FAM168B: variants seen among roughly 807,000 people sequenced by gnomAD.
FAM168B encodes myelin-associated neurite-outgrowth inhibitor.
Under a neutral mutation model 21.8 loss-of-function variants are expected in FAM168B, and 19 were observed. The observed-to-expected ratio is 0.87, with a 90% CI of 0.61 to 1.28. The LOEUF (loss-of-function observed/expected upper bound fraction) is 1.28. Ranked by LOEUF, FAM168B falls within the 50% of genes most tolerant of loss-of-function variation. The pLI, the probability that FAM168B is intolerant of heterozygous loss-of-function variation, is 0.00. For missense variants in FAM168B, 233 were observed against 263.1 expected (o/e 0.89, Z 0.79); for synonymous variants, 126 against 104.8 (o/e 1.20, Z -1.24).
At chr2:131,063,403 C>G (rs1242321008) in intron 3 of FAM168B, among the ~76,000 whole-genome samples, 4 of 152,190 alleles carry the variant, frequency 2.6e-5, no homozygotes, top group Non-Finnish European at 5.9e-5. Flanking sequence ...TTGGTTTAGG[C>G]ATGAATATTA....
intron 2 of FAM168B, among the ~76,000 whole-genome samples, chr2:131,074,024 G>A (rs1468930855): frequency 2.6e-5 from 4 of 152,208 alleles, no homozygotes; most frequent in Non-Finnish European, 5.9e-5. Flanking sequence ...AACAGAGGGG[G>A]CCTCAGGCAT....
At chr2:131,080,340 TTAAGG>T (rs1240005262) in intron 2 of FAM168B, among the ~76,000 whole-genome samples, 2 of 151,482 alleles carry the variant, frequency 1.3e-5, no homozygotes, top group Admixed American at 1.3e-4. Flanking sequence ...AAGTAATATC[TTAAGG>T]TAAGGCAACA....
chr2:131,055,531 A>G, intron 4 of FAM168B, 22 bp downstream of exon 4: 1 of 1,601,530 alleles, frequency 6.2e-7, no homozygotes, highest in Non-Finnish European at 8.5e-7. Context: ...CTTCCCACAC[A>G]GCAGTGTGTA....
intron 1 of FAM168B, among the ~76,000 whole-genome samples, chr2:131,092,299 C>G (rs1398684755): frequency 1.3e-5 from 2 of 152,192 alleles, no homozygotes; most frequent in African/African-American, 2.4e-5. Context: ...GCAACACTAG[C>G]TTCAAAATTA....
chr2:131,062,332 G>C (rs1371622155), intron 3 of FAM168B, among the ~76,000 whole-genome samples: 2 of 152,184 alleles, frequency 1.3e-5, no homozygotes, highest in Non-Finnish European at 2.9e-5. Flanking sequence ...CATTTCCTTA[G>C]GATACACAGT....
At chr2:131,074,747 C>A (rs1395258900) in intron 2 of FAM168B, among the ~76,000 whole-genome samples, 4 of 152,194 alleles carry the variant, frequency 2.6e-5, no homozygotes, top group African/African-American at 9.6e-5. Context: ...GAGTGGAATG[C>A]CAAAAGGAAA....
rs565671842 is a variant in FAM168B, at chr2:131,071,227, A to C, written c.154+628T>G. ...AGTTGCCCCAGCAGTCCCAGGATTA[A>C]GGCCAAACCACAGCCTCAGATCAGA... On this transcript the variant is annotated intron_variant, in intron 3 of 6. Transcript: ENST00000389915. Among the ~76,000 whole-genome samples, 11 of 152,308 alleles carry C rather than the reference A, an allele frequency of 7.2e-5. No homozygotes were observed. The South Asian group carries it at 2.1e-3, about 29-fold the overall frequency.
intron 1 of FAM168B, 85 bp from the exon 2 acceptor site, chr2:131,082,742 G>C (rs900633679): frequency 3.8e-6 from 3 of 795,050 alleles, no homozygotes; most frequent in Non-Finnish European, 6.1e-6. Flanking sequence ...CAGGTAGCTA[G>C]AGTCCTTTCT....
chr2:131,055,177 A>T, intron 5 of FAM168B, 95 bp downstream of exon 5: 1 of 1,237,572 alleles, frequency 8.1e-7, no homozygotes. Flanking sequence ...ACAGCTATGA[A>T]AACCTAGAGC....
Position 131,052,298 on chromosome 2 carries a change from G to A in FAM168B, c.*167C>T, listed in dbSNP as rs529057043. ...TAAGACCAACCCACAGAGTCAGCTG[G>A]AGACTAACGGCGCTGGGGCCTGCTG... is the stretch of plus-strand genomic sequence containing the variant. On this transcript the variant is annotated 3_prime_UTR_variant, in exon 7 of 7. Transcript: ENST00000389915. 9.3e-5 allele frequency: 92 copies of A among 985,838 alleles called. No individual in the cohort carries two copies. The highest frequency in any genetic ancestry group is 1.1e-4 in the Non-Finnish European group (91 of 830,014). 61.1% of individuals were successfully genotyped at this position (985,838 alleles called of 1,614,324 possible). A position where few individuals can be genotyped will look rare whatever the true frequency, so the allele number is the denominator to read the frequency against.
rs1691628566 is a variant in FAM168B at position 131,050,916 on chromosome 2, A to G, written c.*1549T>C. 1.2e-5 allele frequency: 12 copies of G among 985,796 alleles called. No homozygotes were observed. Among genetic ancestry groups the G allele is most frequent in the Non-Finnish European group, 1.4e-5 (12 of 830,256 alleles). 61.1% of individuals were successfully genotyped at this position (985,796 alleles called of 1,614,324 possible). A position where few individuals can be genotyped will look rare whatever the true frequency, so the allele number is the denominator to read the frequency against. ...CCGCTGAAAGGGACCCAGGCCTTACATCCCCCACCCCCACTCTGACCCTCA... is the reference window on the plus strand; with the variant it reads ...CCGCTGAAAGGGACCCAGGCCTTACGTCCCCCACCCCCACTCTGACCCTCA... On this transcript the variant is annotated 3_prime_UTR_variant, in exon 7 of 7. Coordinates refer to ENST00000389915, the MANE Select transcript of FAM168B (RefSeq NM_001009993.4).
At chr2:131,058,301 G>T (rs1332062033) in intron 3 of FAM168B, among the ~76,000 whole-genome samples, 1 of 152,098 alleles carries the variant, frequency 6.6e-6, no homozygotes, top group African/African-American at 2.4e-5. Flanking sequence ...ACTGCACACT[G>T]TATCAATTAA....
intron 3 of FAM168B, among the ~76,000 whole-genome samples, chr2:131,060,467 T>C (rs951473273): frequency 6.6e-6 from 1 of 152,354 alleles, no homozygotes; most frequent in African/African-American, 2.4e-5. Flanking sequence ...CAAGGAAGAC[T>C]GCTACAGATT....
chr2:131,074,370 G>A (rs1211594316), intron 2 of FAM168B, among the ~76,000 whole-genome samples: 5 of 151,990 alleles, frequency 3.3e-5, no homozygotes, highest in East Asian at 3.9e-4. Flanking sequence ...CTCATAATCC[G>A]CCCTCCTCGG....
chr2:131,054,508 A>G (rs1691890504), intron 5 of FAM168B, among the ~76,000 whole-genome samples: 1 of 152,200 alleles, frequency 6.6e-6, no homozygotes, highest in Admixed American at 6.5e-5. Context: ...AAGCACACAT[A>G]ATAACCCGGA....
intron 2 of FAM168B, among the ~76,000 whole-genome samples, chr2:131,076,602 G>A (rs1175907940): frequency 2.0e-5 from 3 of 148,740 alleles, no homozygotes; most frequent in East Asian, 2.0e-4. Flanking sequence ...GCAGTGAGCC[G>A]AGATCGCGCC....
rs1259190992 is a variant in FAM168B at position 131,082,559 on chromosome 2, A to G, written c.70+18T>C. ...GTATTCAAAGTTCAAAAATGAAAAC[A>G]AAATTTTACTTACTTACCTGGATAA... On this transcript the variant is annotated intron_variant, in intron 2 of 6. Coordinates refer to ENST00000389915, the MANE Select transcript of FAM168B (RefSeq NM_001009993.4). 6.4e-7 allele frequency: 1 copy of G among 1,572,104 alleles called. No homozygotes were observed. Among genetic ancestry groups the G allele is most frequent in the African/African-American group, 1.4e-5 (1 of 73,182 alleles).
At chr2:131,077,726 G>T (rs749190826) in intron 2 of FAM168B, among the ~76,000 whole-genome samples, 7 of 152,128 alleles carry the variant, frequency 4.6e-5, no homozygotes, top group Non-Finnish European at 8.8e-5. Flanking sequence ...GATCTTGAAG[G>T]GCTGTAGTGA....
At chr2:131,054,208 T>A (rs1055688693) in intron 5 of FAM168B, among the ~76,000 whole-genome samples, 5 of 147,338 alleles carry the variant, frequency 3.4e-5, no homozygotes, top group African/African-American at 1.3e-4. Context: ...GACCCTGTCT[T>A]AAAAAAAAAT....
Sources: gnomAD v4.1 joint callset for allele counts (sites outside exome capture counted in the v4.1 genomes callset) on GRCh38, gnomAD v4.1.1 for gene constraint, MANE v1.5 for transcripts, NCBI Gene and HGNC (gene_info 2026-07-23, HGNC 2026-07-21) for gene names.